LRRC3B: variants seen among roughly 807,000 people sequenced by gnomAD.
LRRC3B encodes leucine-rich repeat-containing protein 3B.
In LRRC3B, 2 loss-of-function variants were observed where a neutral mutation model predicts 12.8. That is an observed-to-expected ratio of 0.16 (90% confidence interval 0.06 to 0.49). The LOEUF (loss-of-function observed/expected upper bound fraction) is 0.49, where lower values mean the gene tolerates loss of function less well. Among genes scored for constraint, LRRC3B ranks in the 20% least tolerant of loss-of-function variants. The pLI is 0.96. For synonymous variants in LRRC3B, 132 were observed against 122.0 expected (o/e 1.08, Z -0.54); for missense variants, 189 against 319.4 (o/e 0.59, Z 3.11).
chr3:26,665,218 T>A (rs1203192663), intron 1 of LRRC3B, among the ~76,000 whole-genome samples: 1 of 152,124 alleles, frequency 6.6e-6, no homozygotes, highest in Non-Finnish European at 1.5e-5. Flanking sequence ...GGATCTGAAC[T>A]ACCCAGAGCA....
At position 26,637,058 on chromosome 3, in the gene LRRC3B, G is replaced by A. The variant is rs532931923; in HGVS notation, c.-161+13821G>A. ...GTCACCCAGGCTGGAGTGCAATGGC[G>A]TGATCTCGGCTCACTGCAACCTCCG... On this transcript the variant is annotated intron_variant, in intron 1 of 1. Coordinates refer to ENST00000396641, the Ensembl canonical transcript of LRRC3B. Among the ~76,000 whole-genome samples, 15 of 149,080 alleles carry A rather than the reference G, an allele frequency of 1.0e-4. No individual in the cohort carries two copies. In the South Asian group the frequency reaches 2.6e-3, roughly 25 times the overall value.
At chr3:26,704,225 T>C (rs1457242571) in intron 1 of LRRC3B, among the ~76,000 whole-genome samples, 1 of 152,198 alleles carries the variant, frequency 6.6e-6, no homozygotes, top group Non-Finnish European at 1.5e-5. Context: ...TTGCTTTTTT[T>C]TGAGCTGCTC....
rs1401487908 is a variant in LRRC3B, at chr3:26,704,602, G to T, written c.-160-4911G>T. Among the ~76,000 whole-genome samples the T allele has an allele frequency of 2.6e-5, 4 of 151,456 alleles. No individual in the cohort carries two copies. In the East Asian group the frequency reaches 7.7e-4, roughly 29 times the overall value. ...TTTTTTAGAGACAGGGTCTTGCTAT[G>T]TTGCCCTGTCTGAACTCAAACTTCT... On this transcript the variant is annotated intron_variant, in intron 1 of 1. Transcript: ENST00000396641.
At chr3:26,640,630 G>T (rs1178764895) in intron 1 of LRRC3B, among the ~76,000 whole-genome samples, 1 of 152,142 alleles carries the variant, frequency 6.6e-6, no homozygotes, top group Non-Finnish European at 1.5e-5. Context: ...ATGGGACTGG[G>T]ATACAAAGGT....
At chr3:26,674,637 G>A (rs1214621549) in intron 1 of LRRC3B, among the ~76,000 whole-genome samples, 2 of 152,024 alleles carry the variant, frequency 1.3e-5, no homozygotes, top group African/African-American at 4.8e-5. Flanking sequence ...CCAAACACAG[G>A]GTTTGATGGT....
chr3:26,709,618 C>T, exon 2 of LRRC3B: 2 of 1,562,054 alleles, frequency 1.3e-6, no homozygotes, highest in Non-Finnish European at 1.7e-6. Context: ...GGAACCTTTA[C>T]CACGCTTGTT....
chr3:26,671,413 G>GAGAGAGAGAGAGAGACAGAGAGAGAC (rs9331540), intron 1 of LRRC3B, among the ~76,000 whole-genome samples: 1 of 99,388 alleles, frequency 1.0e-5, no homozygotes, highest in African/African-American at 4.3e-5. Context: ...GAGAGAGAGA[G>GAGAGAGAGAGAGAGACAGAGAGAGAC]ACGAAGTCTT....
chr3:26,674,309 G>GA (rs1321734544), intron 1 of LRRC3B, among the ~76,000 whole-genome samples: 1 of 152,294 alleles, frequency 6.6e-6, no homozygotes, highest in East Asian at 1.9e-4. Context: ...TCATAGGACA[G>GA]AAGCAAAACA....
intron 1 of LRRC3B, among the ~76,000 whole-genome samples, chr3:26,680,969 G>A (rs1575156345): frequency 2.6e-5 from 4 of 152,274 alleles, no homozygotes; most frequent in Middle Eastern, 6.8e-3. Flanking sequence ...GGACAGGGAA[G>A]AGAAACATCT....
chr3:26,665,069 G>T (rs1361864882), intron 1 of LRRC3B, among the ~76,000 whole-genome samples: 1 of 151,832 alleles, frequency 6.6e-6, no homozygotes, highest in African/African-American at 2.4e-5. Flanking sequence ...TACCATAAAG[G>T]TACGGTCAGG....
intron 1 of LRRC3B, among the ~76,000 whole-genome samples, chr3:26,652,767 A>C (rs1000292947): frequency 2.6e-5 from 4 of 152,112 alleles, no homozygotes; most frequent in Admixed American, 6.5e-5. Context: ...AAAGTACATA[A>C]TTTTTTATTT....
At chr3:26,683,567 C>T (rs1445251607) in intron 1 of LRRC3B, among the ~76,000 whole-genome samples, 1 of 152,186 alleles carries the variant, frequency 6.6e-6, no homozygotes, top group African/African-American at 2.4e-5. Flanking sequence ...AATAAAAGCA[C>T]AGCCGTATTC....
intron 1 of LRRC3B, among the ~76,000 whole-genome samples, chr3:26,708,209 T>G (rs12054097): frequency 0.17 from 26,436 of 152,156 alleles, 2,994 homozygotes; most frequent in African/African-American, 0.3. Context: ...GCTCTTCTTG[T>G]TTCTTAGATC....
intron 1 of LRRC3B, among the ~76,000 whole-genome samples, chr3:26,639,454 A>G (rs2125406624): frequency 6.6e-6 from 1 of 151,324 alleles, no homozygotes; most frequent in East Asian, 1.9e-4. Flanking sequence ...ATACTTAAAC[A>G]TTTTCCAATG....
chr3:26,671,371 TATAGAGAGAGAGAGAG>T (rs1183846192), intron 1 of LRRC3B, among the ~76,000 whole-genome samples: 2 of 35,956 alleles, frequency 5.6e-5, no homozygotes, highest in Non-Finnish European at 9.4e-5. Context: ...TATATATATA[TATAGAGAGAGAGAGAG>T]AGAGAGAGAG....
chr3:26,632,497 C>A (rs998943734), intron 1 of LRRC3B, among the ~76,000 whole-genome samples: 1 of 152,052 alleles, frequency 6.6e-6, no homozygotes, highest in African/African-American at 2.4e-5. Flanking sequence ...TGAACAGAAG[C>A]CATATCTGTA....
chr3:26,676,968 T>C (rs1699872842), intron 1 of LRRC3B, among the ~76,000 whole-genome samples: 1 of 152,070 alleles, frequency 6.6e-6, no homozygotes, highest in Admixed American at 6.5e-5. Flanking sequence ...TGTTAGTACT[T>C]CCAAAATCAC....
chr3:26,676,442 C>T (rs534476270), intron 1 of LRRC3B, among the ~76,000 whole-genome samples: 43 of 152,198 alleles, frequency 2.8e-4, no homozygotes, highest in Non-Finnish European at 4.7e-4. Context: ...GCATAGTATT[C>T]CATGGTGTAT....
chr3:26,650,700 T>C (rs1423296076), intron 1 of LRRC3B, among the ~76,000 whole-genome samples: 1 of 152,146 alleles, frequency 6.6e-6, no homozygotes, highest in African/African-American at 2.4e-5. Flanking sequence ...GTATGCAAGC[T>C]CCAAATAGCT....
Sources: gnomAD v4.1 joint callset for allele counts (sites outside exome capture counted in the v4.1 genomes callset) on GRCh38, gnomAD v4.1.1 for gene constraint, MANE v1.5 for transcripts, NCBI Gene and HGNC (gene_info 2026-07-23, HGNC 2026-07-21) for gene names.